The following PCSK1 variants were observed in gnomAD, a reference collection of about 807,000 sequenced individuals.
PCSK1 encodes the protein neuroendocrine convertase 1.
In PCSK1, 56 loss-of-function variants were observed where a neutral mutation model predicts 90.6. The ratio of observed to expected loss-of-function variants is 0.62; its 90% CI spans 0.50 to 0.77. The LOEUF (loss-of-function observed/expected upper bound fraction) is 0.77, where lower values mean the gene tolerates loss of function less well. PCSK1 is among the 30% of genes least tolerant of loss of function. PCSK1 has a pLI of 0.00. For synonymous variants in PCSK1, 348 were observed against 342.4 expected, an observed-to-expected ratio of 1.02 and a Z score of -0.18; for missense variants, 801 against 932.6, an observed-to-expected ratio of 0.86 and a Z score of 1.84.
chr5:96,412,788 G>T, intron 6 of PCSK1: 2 of 251,862 alleles, frequency 7.9e-6, no homozygotes, highest in South Asian at 8.7e-5. Flanking sequence ...TCCCACTCAA[G>T]GCTCTCTTCC....
chr5:96,393,386 A>G lies in PCSK1; in HGVS notation c.1885-8T>C, dbSNP rs1246410416. ...CTCTTGTGTGGGCTGCTCCTAAAAC[A>G]TAGAATGCCATCCACAAAGGGAAGA... On this transcript the variant is annotated splice_region_variant and splice_polypyrimidine_tract_variant and intron_variant, in intron 13 of 13. Coordinates refer to ENST00000311106, the MANE Select transcript of PCSK1 (RefSeq NM_000439.5). 1 of 1,613,414 alleles carries G rather than the reference A, an allele frequency of 6.2e-7. No homozygotes were observed. Among genetic ancestry groups the G allele is most frequent in the Admixed American group, 1.7e-5 (1 of 60,012 alleles).
chr5:96,400,229 A>T, intron 9 of PCSK1, 43 bp from the exon 10 acceptor site: 1 of 1,416,816 alleles, frequency 7.1e-7, no homozygotes. Flanking sequence ...AGAAAAATGA[A>T]GTTTCCTTGC....
intron 1 of PCSK1, among the ~76,000 whole-genome samples, chr5:96,431,094 A>C (rs1461612274): frequency 2.0e-5 from 3 of 152,098 alleles, no homozygotes; most frequent in African/African-American, 7.2e-5. Flanking sequence ...TACACAATTA[A>C]ATCCCCAGTG....
chr5:96,400,302 AGTTAT>A (rs1368490191), intron 9 of PCSK1, 116 bp from the exon 10 acceptor site: 1 of 748,842 alleles, frequency 1.3e-6, no homozygotes, highest in African/African-American at 1.7e-5. Context: ...TTGCTATTGT[AGTTAT>A]GTTATTCTAG....
At position 96,392,923 on chromosome 5, in the gene PCSK1, C is replaced by T. The variant is rs1759996725; in HGVS notation, c.*78G>A. On this transcript the variant is annotated 3_prime_UTR_variant, in exon 14 of 14. Transcript: ENST00000311106. ...ATAAGCATAAGAATTCATGACAAAACAACCACTTCAGACACAGGCAAAATC... is the reference window on the plus strand; with the variant it reads ...ATAAGCATAAGAATTCATGACAAAATAACCACTTCAGACACAGGCAAAATC... 2.1e-6 allele frequency: 3 copies of T among 1,431,764 alleles called. No individual in the cohort carries two copies. Among genetic ancestry groups the T allele is most frequent in the Non-Finnish European group, 2.9e-6 (3 of 1,017,710 alleles). 88.7% of individuals were successfully genotyped at this position (1,431,764 alleles called of 1,614,324 possible). A position where few individuals can be genotyped will look rare whatever the true frequency, so the allele number is the denominator to read the frequency against.
At position 96,429,218 on chromosome 5, in the gene PCSK1, C is replaced by G; in HGVS notation, c.280G>C (p.Asp94His). Residue 94 changes from aspartate (D) to histidine (H), a missense_variant, in exon 2 of 14, where the codon GAT (aspartate) becomes CAT (histidine). Coordinates refer to ENST00000311106, the MANE Select transcript of PCSK1 (RefSeq NM_000439.5). ...GACAAATGTACAACACTTACACGAT[C>G]ATCATCAGATAATCTCTTAGTGATA... ...FHITKRLSDD[D>H]RVIWAEQQYE... The G allele has an allele frequency of 6.7e-7, 1 of 1,486,248 alleles. No individual in the cohort carries two copies. The allele number at this position is 1,486,248 out of a possible 1,614,324, so 92.1% of individuals were successfully genotyped here. A position where few individuals can be genotyped will look rare whatever the true frequency, so the allele number is the denominator to read the frequency against.
chr5:96,403,082 G>A (rs143818794), intron 9 of PCSK1, among the ~76,000 whole-genome samples: 1 of 152,244 alleles, frequency 6.6e-6, no homozygotes, highest in Non-Finnish European at 1.5e-5. Context: ...GTACTGAGGA[G>A]GCTTAAGGCA....
intron 3 of PCSK1, among the ~76,000 whole-genome samples, chr5:96,423,982 A>G (rs189109922): frequency 4.5e-4 from 68 of 152,292 alleles, no homozygotes; most frequent in Admixed American, 2.4e-3. Context: ...GTGATTGCCT[A>G]TTTTTAAGTA....
chr5:96,421,399 C>T (rs1761124607), intron 5 of PCSK1, among the ~76,000 whole-genome samples: 1 of 72,318 alleles, frequency 1.4e-5, no homozygotes, highest in African/African-American at 1.2e-4. Flanking sequence ...AGAGGCATTT[C>T]TCTGTCTGGA....
chr5:96,407,748 T>C (rs905289385), intron 9 of PCSK1, among the ~76,000 whole-genome samples: 3 of 152,216 alleles, frequency 2.0e-5, no homozygotes, highest in African/African-American at 7.2e-5. Context: ...TGTCCCCTGA[T>C]GTGGTTATAT....
At chr5:96,414,344 G>A (rs1238957528) in intron 6 of PCSK1, among the ~76,000 whole-genome samples, 3 of 152,104 alleles carry the variant, frequency 2.0e-5, no homozygotes, top group Admixed American at 6.5e-5. Flanking sequence ...CACCATTTGA[G>A]GTGGGTGCCG....
intron 2 of PCSK1, among the ~76,000 whole-genome samples, chr5:96,426,475 A>G (rs1415915556): frequency 1.3e-5 from 2 of 152,194 alleles, no homozygotes; most frequent in Non-Finnish European, 2.9e-5. Context: ...GCTTAAAAGT[A>G]TTTAATATGA....
chr5:96,412,752 G>GTTTTTTTTTTTT (rs57397343), intron 6 of PCSK1, among the ~76,000 whole-genome samples: 10 of 71,806 alleles, frequency 1.4e-4, no homozygotes, highest in Middle Eastern at 0.011. Flanking sequence ...CAGCTGTGAT[G>GTTTTTTTTTTTT]TTTTTTTTTT....
At position 96,410,936 on chromosome 5, in the gene PCSK1, C is replaced by T. The variant is rs754598622; in HGVS notation, c.933G>A (p.Gly311=). The T allele has an allele frequency of 1.2e-6, 2 of 1,613,858 alleles. No homozygotes were observed. Among genetic ancestry groups the T allele is most frequent in the Non-Finnish European group, 1.7e-6 (2 of 1,179,880 alleles). ...SIFVWASGNG[G]RQGDNCDCDG... is the part of the protein sequence containing the mutation. Reference sequence around the variant, plus strand: ...CACAGTCACAATTATCTCCCTGACGCCCCCCGTTTCCCGAAGCCCAGACGA... The same window carrying T: ...CACAGTCACAATTATCTCCCTGACGTCCCCCGTTTCCCGAAGCCCAGACGA... Residue 311 remains glycine (G), a synonymous_variant, in exon 8 of 14, where the codon GGG becomes GGA. Transcript: ENST00000311106.
At chr5:96,425,009 AAAGAAAGAAAGAAAGAAAGAAAGAAAG>A (rs1307989673) in intron 3 of PCSK1, among the ~76,000 whole-genome samples, 6 of 8,632 alleles carry the variant, frequency 7.0e-4, no homozygotes, top group Non-Finnish European at 1.8e-3. Context: ...GAAAGAAAGA[AAAGAAAGAAAGAAAGAAAGAAAGAAAG>A]AAAGAAAGAA....
intron 6 of PCSK1, among the ~76,000 whole-genome samples, chr5:96,413,963 CAAAAAAAAAA>C (rs61316405): frequency 9.4e-4 from 21 of 22,428 alleles, no homozygotes; most frequent in East Asian, 1.4e-3. Flanking sequence ...ACTAAAAATA[CAAAAAAAAAA>C]AAAAAAAAAA....
At chr5:96,412,535 A>C in intron 6 of PCSK1, 45 bp from the exon 7 acceptor site, 1 of 1,540,560 alleles carries the variant, frequency 6.5e-7, no homozygotes, top group Non-Finnish European at 9.0e-7. Context: ...TGATGTCAGT[A>C]TGTACATGGA....
chr5:96,400,896 G>A (rs1185536403), intron 9 of PCSK1, among the ~76,000 whole-genome samples: 2 of 151,552 alleles, frequency 1.3e-5, no homozygotes, highest in African/African-American at 4.9e-5. Context: ...GACCATCTTG[G>A]CTAACACGGT....
At chr5:96,393,503 G>T (rs1437053948) in intron 13 of PCSK1, 125 bp from the exon 14 acceptor site, 28 of 1,130,096 alleles carry the variant, frequency 2.5e-5, no homozygotes, top group Non-Finnish European at 3.4e-5. Context: ...AGGGGAGAGA[G>T]TTCAAGACTG....
Sources: allele counts gnomAD v4.1 joint callset (sites outside exome capture counted in the v4.1 genomes callset), GRCh38; gene constraint gnomAD v4.1.1; transcripts MANE v1.5; gene names NCBI Gene and HGNC (gene_info 2026-07-23, HGNC 2026-07-21).